The following RPH3A variants were observed in gnomAD, a reference collection of about 807,000 sequenced individuals.
The protein encoded by RPH3A is rabphilin-3A.
A neutral mutation model predicts 102.2 loss-of-function variants in RPH3A; 48 were observed. The ratio of observed to expected loss-of-function variants is 0.47; its 90% CI spans 0.37 to 0.60. The LOEUF (loss-of-function observed/expected upper bound fraction) is 0.60, where lower values mean the gene tolerates loss of function less well. Among genes scored for constraint, RPH3A ranks in the 20% least tolerant of loss-of-function variants. RPH3A has a pLI of 0.00. For synonymous variants in RPH3A, 310 were observed against 324.3 expected, an observed-to-expected ratio of 0.96 and a Z score of 0.47; for missense variants, 781 against 910.1, an observed-to-expected ratio of 0.86 and a Z score of 1.83.
chr12:112,858,258 C>A (rs1211450417), intron 5 of RPH3A, among the ~76,000 whole-genome samples: 1 of 102,216 alleles, frequency 9.8e-6, no homozygotes, highest in Non-Finnish European at 1.8e-5. Context: ...CAGAGTCAGA[C>A]CCTGTCTCAA....
At position 112,699,471 on chromosome 12, in the gene RPH3A, G is replaced by A. The variant is rs139171070; in HGVS notation, c.-139-92672G>A. 2.5e-3 allele frequency among the ~76,000 whole-genome samples: 378 copies of A among 152,284 alleles called. 2 individuals carry two copies. Among genetic ancestry groups the A allele is most frequent in the African/African-American group, 8.7e-3 (360 of 41,544 alleles). On this transcript the variant is annotated intron_variant, in intron 1 of 21. Coordinates refer to the RPH3A transcript ENST00000543106. Reference sequence around the variant, plus strand: ...TAATAAAAAGAAATAAACCACTGATGCACGTGACCACATGGGCAAATCTCA... The same window carrying A: ...TAATAAAAAGAAATAAACCACTGATACACGTGACCACATGGGCAAATCTCA...
At chr12:112,785,464 T>C (rs2041042519) in intron 1 of RPH3A, among the ~76,000 whole-genome samples, 2 of 152,140 alleles carry the variant, frequency 1.3e-5, no homozygotes, top group Admixed American at 1.3e-4. Context: ...TAAACATCCT[T>C]AGAATACCTA....
intron 1 of RPH3A, among the ~76,000 whole-genome samples, chr12:112,584,767 G>T (rs2039426430): frequency 6.6e-6 from 1 of 152,208 alleles, no homozygotes; most frequent in South Asian, 2.1e-4. Flanking sequence ...GCCTAGGGGA[G>T]CCAATTATTG....
chr12:112,858,899 C>G (rs2042461175), intron 5 of RPH3A, among the ~76,000 whole-genome samples: 1 of 152,182 alleles, frequency 6.6e-6, no homozygotes, highest in African/African-American at 2.4e-5. Context: ...GCCCACCTGA[C>G]TTCACTGAGT....
chr12:112,834,215 A>G (rs536847050), intron 3 of RPH3A, among the ~76,000 whole-genome samples: 1 of 152,350 alleles, frequency 6.6e-6, no homozygotes, highest in African/African-American at 2.4e-5. Context: ...TATAAATGGA[A>G]TCATCCAGTG....
chr12:112,784,860 T>C (rs1383460693), intron 1 of RPH3A, among the ~76,000 whole-genome samples: 1 of 152,246 alleles, frequency 6.6e-6, no homozygotes, highest in Non-Finnish European at 1.5e-5. Context: ...TTCTACATGC[T>C]TACTTTATTC....
chr12:112,798,792 ATAAT>A (rs113786181), intron 2 of RPH3A, among the ~76,000 whole-genome samples: 3,480 of 151,334 alleles, frequency 0.023, 120 homozygotes, highest in African/African-American at 0.079. Flanking sequence ...CACCCCTTAA[ATAAT>A]TCCCTGCTTT....
intron 5 of RPH3A, among the ~76,000 whole-genome samples, chr12:112,854,279 C>A (rs527339095): frequency 6.6e-6 from 1 of 152,210 alleles, no homozygotes; most frequent in African/African-American, 2.4e-5. Flanking sequence ...ACTGCTCTAG[C>A]CCTTTTGTTG....
In RPH3A at chr12:112,847,727, G is replaced by A; in HGVS notation, c.115G>A (p.Gly39Ser). The stretch of plus-strand genomic sequence containing the variant: ...GGCAGGCTGGTCCGTCCACCCCGGT[G>A]GTCAGCCTGACAGGCAGAGGAAGCA... Reference protein sequence around the residue: ...LQAGWSVHPGGQPDRQRKQEE... With the variant: ...LQAGWSVHPGSQPDRQRKQEE... The change falls in exon 5 of 22, where the codon GGT becomes AGT. Residue 39 changes from glycine (G) to serine (S), a missense_variant. This residue lies in a region of RPH3A where 730 missense variants were observed against 810.0 expected (regional missense o/e 0.90). Transcript: ENST00000389385. The A allele has an allele frequency of 1.9e-6, 3 of 1,614,144 alleles. No homozygotes were observed. Among genetic ancestry groups the A allele is most frequent in the Non-Finnish European group, 2.5e-6 (3 of 1,180,016 alleles).
chr12:112,744,868 A>G (rs2040733252), intron 1 of RPH3A, among the ~76,000 whole-genome samples: 1 of 152,186 alleles, frequency 6.6e-6, no homozygotes, highest in African/African-American at 2.4e-5. Flanking sequence ...CATCTCAAGC[A>G]TGTGTATCCC....
At chr12:112,635,714 A>T (rs1165626865) in intron 1 of RPH3A, among the ~76,000 whole-genome samples, 1 of 152,086 alleles carries the variant, frequency 6.6e-6, no homozygotes, top group Non-Finnish European at 1.5e-5. Flanking sequence ...GAGGGAGGGG[A>T]GTAAATGTAA....
At chr12:112,709,696 G>T (rs1219291605) in intron 1 of RPH3A, among the ~76,000 whole-genome samples, 1 of 152,150 alleles carries the variant, frequency 6.6e-6, no homozygotes, top group African/African-American at 2.4e-5. Context: ...TGGGACATCT[G>T]AAAAAATGCT....
At chr12:112,619,836 A>C (rs1184523660) in intron 1 of RPH3A, among the ~76,000 whole-genome samples, 1 of 152,204 alleles carries the variant, frequency 6.6e-6, no homozygotes, top group African/African-American at 2.4e-5. Flanking sequence ...TTAGTGGCAT[A>C]ATAATATTCT....
chr12:112,730,859 G>A lies in RPH3A; in HGVS notation c.-139-61284G>A, dbSNP rs114601808. Among the ~76,000 whole-genome samples, 1,011 of 152,266 alleles carry A rather than the reference G, an allele frequency of 6.6e-3. 13 individuals carry two copies. The highest frequency in any genetic ancestry group is 0.023 in the African/African-American group (972 of 41,550). ...TGCCACAGAGCAAAGAACATCCCAG[G>A]AAATGAGGCCAGCCCTGGCCATTGT... On this transcript the variant is annotated intron_variant, in intron 1 of 21. Transcript: ENST00000543106.
intron 1 of RPH3A, among the ~76,000 whole-genome samples, chr12:112,667,652 G>A (rs116405551): frequency 1.4e-5 from 2 of 140,014 alleles, no homozygotes; most frequent in Non-Finnish European, 3.0e-5. Flanking sequence ...TTCATGGGCA[G>A]AGATGAATAA....
chr12:112,757,251 T>C (rs918591048), intron 1 of RPH3A, among the ~76,000 whole-genome samples: 1 of 152,162 alleles, frequency 6.6e-6, no homozygotes, highest in African/African-American at 2.4e-5. Context: ...CGTTCTTTGA[T>C]AAAAAGCCAA....
At chr12:112,806,177 C>G (rs1004241917) in intron 2 of RPH3A, among the ~76,000 whole-genome samples, 6 of 152,138 alleles carry the variant, frequency 3.9e-5, no homozygotes, top group African/African-American at 1.4e-4. Context: ...CTGCAAATAC[C>G]TTTTGTTGAC....
intron 1 of RPH3A, among the ~76,000 whole-genome samples, chr12:112,647,737 C>A (rs2039941935): frequency 1.3e-5 from 2 of 152,082 alleles, no homozygotes; most frequent in Admixed American, 6.6e-5. Context: ...CAGGGAACAG[C>A]TTTTCCAGGC....
intron 1 of RPH3A, among the ~76,000 whole-genome samples, chr12:112,759,615 C>T (rs1247892786): frequency 6.6e-6 from 1 of 152,184 alleles, no homozygotes; most frequent in African/African-American, 2.4e-5. Flanking sequence ...TTGTTTTCTG[C>T]TCACTTCACA....
Sources: allele counts gnomAD v4.1 joint callset (sites outside exome capture counted in the v4.1 genomes callset), GRCh38; gene constraint gnomAD v4.1.1; regional missense constraint gnomAD v4.1.1; transcripts MANE v1.5; gene names NCBI Gene and HGNC (gene_info 2026-07-23, HGNC 2026-07-21).